The following CNTN5 variants were observed in gnomAD, a reference collection of about 807,000 sequenced individuals.
CNTN5 encodes the protein contactin-5.
Under a neutral mutation model 129.1 loss-of-function variants are expected in CNTN5, and 77 were observed. The observed-to-expected ratio is 0.60, with a 90% CI of 0.50 to 0.72. The LOEUF (loss-of-function observed/expected upper bound fraction) is 0.72, where lower values mean the gene tolerates loss of function less well. CNTN5 is among the 30% of genes least tolerant of loss of function. CNTN5 has a pLI of 0.00. For missense variants in CNTN5, 1,478 were observed against 1,328.8 expected (o/e 1.11, Z -1.75); for synonymous variants, 509 against 465.6 (o/e 1.09, Z -1.20).
chr11:99,995,190 G>C (rs893818883), intron 8 of CNTN5, among the ~76,000 whole-genome samples: 2 of 152,080 alleles, frequency 1.3e-5, no homozygotes, highest in Non-Finnish European at 2.9e-5. Flanking sequence ...TCAGTAAACT[G>C]ATTAGAAAAA....
chr11:99,021,824 G>T (rs553134796), intron 1 of CNTN5, among the ~76,000 whole-genome samples: 1 of 152,294 alleles, frequency 6.6e-6, no homozygotes, highest in South Asian at 2.1e-4. Context: ...TTTTTCTAAA[G>T]GTTGTATAGG....
intron 21 of CNTN5, among the ~76,000 whole-genome samples, chr11:100,315,524 T>C (rs1406539646): frequency 6.6e-6 from 1 of 152,148 alleles, no homozygotes; most frequent in Non-Finnish European, 1.5e-5. Context: ...AGCAATTTTA[T>C]CCCTTTCTGT....
chr11:100,203,187 T>C (rs2138558716), intron 15 of CNTN5, among the ~76,000 whole-genome samples: 1 of 152,188 alleles, frequency 6.6e-6, no homozygotes, highest in East Asian at 1.9e-4. Context: ...CATCTTAAAA[T>C]ATCCTACTAC....
At chr11:99,105,955 T>G (rs1866973864) in intron 1 of CNTN5, among the ~76,000 whole-genome samples, 1 of 152,166 alleles carries the variant, frequency 6.6e-6, no homozygotes, top group Admixed American at 6.5e-5. Flanking sequence ...ATTTTCATTT[T>G]CAGTTAGAAA....
chr11:99,497,163 A>G (rs1406249595), intron 2 of CNTN5, among the ~76,000 whole-genome samples: 1 of 152,212 alleles, frequency 6.6e-6, no homozygotes, highest in Non-Finnish European at 1.5e-5. Context: ...ATAATTAGAG[A>G]CCCAAAAGAG....
intron 9 of CNTN5, among the ~76,000 whole-genome samples, chr11:100,029,608 A>G (rs957268273): frequency 1.3e-5 from 2 of 152,068 alleles, no homozygotes; most frequent in Non-Finnish European, 2.9e-5. Flanking sequence ...ATGCTAATAG[A>G]ATGCAGATAT....
chr11:99,768,075 G>T (rs1211744922), intron 3 of CNTN5, among the ~76,000 whole-genome samples: 1 of 152,046 alleles, frequency 6.6e-6, no homozygotes, highest in African/African-American at 2.4e-5. Flanking sequence ...AGACTGAGTT[G>T]AGTAGTTGTG....
At chr11:99,078,424 T>A (rs1415398448) in intron 1 of CNTN5, among the ~76,000 whole-genome samples, 1 of 152,166 alleles carries the variant, frequency 6.6e-6, no homozygotes, top group African/African-American at 2.4e-5. Context: ...ATCCCTCTGC[T>A]AGGTATGTAC....
chr11:99,123,442 AC>A (rs1858459625), intron 1 of CNTN5, among the ~76,000 whole-genome samples: 1 of 151,674 alleles, frequency 6.6e-6, no homozygotes, highest in South Asian at 2.1e-4. Flanking sequence ...TGAATATTAG[AC>A]CTTTGTCAGA....
intron 2 of CNTN5, among the ~76,000 whole-genome samples, chr11:99,397,252 G>C (rs936708700): frequency 2.6e-5 from 4 of 151,760 alleles, no homozygotes; most frequent in African/African-American, 9.7e-5. Context: ...GAAGAACATA[G>C]AGGTAAAGTA....
intron 20 of CNTN5, among the ~76,000 whole-genome samples, chr11:100,303,464 G>A (rs17094825): frequency 0.01 from 1,535 of 151,306 alleles, 23 homozygotes; most frequent in African/African-American, 0.035. Context: ...CCATAACTTC[G>A]GAAATGAAAA....
chr11:100,326,118 T>C (rs2138973961), intron 21 of CNTN5, among the ~76,000 whole-genome samples: 1 of 152,320 alleles, frequency 6.6e-6, no homozygotes, highest in African/African-American at 2.4e-5. Context: ...GTAAACTTGA[T>C]AGTATTAACT....
intron 2 of CNTN5, among the ~76,000 whole-genome samples, chr11:99,425,393 T>C (rs1943074493): frequency 6.6e-6 from 1 of 152,180 alleles, no homozygotes; most frequent in African/African-American, 2.4e-5. Context: ...CAACATGCCA[T>C]CCATGGCGCC....
intron 8 of CNTN5, among the ~76,000 whole-genome samples, chr11:99,962,094 A>G (rs1448106088): frequency 1.3e-5 from 2 of 148,818 alleles, no homozygotes; most frequent in Non-Finnish European, 3.0e-5. Flanking sequence ...AGATAATATG[A>G]AAAAACTTGA....
At chr11:99,626,382 CTG>C (rs1477768004) in intron 3 of CNTN5, among the ~76,000 whole-genome samples, 1 of 152,042 alleles carries the variant, frequency 6.6e-6, no homozygotes, top group Non-Finnish European at 1.5e-5. Flanking sequence ...ACTTTAAAGA[CTG>C]TTTTAGTGGA....
At chr11:99,744,855 G>C (rs1275839008) in intron 3 of CNTN5, among the ~76,000 whole-genome samples, 1 of 149,522 alleles carries the variant, frequency 6.7e-6, no homozygotes. Context: ...TAGGGAAAGA[G>C]AAGAATAGTT....
intron 15 of CNTN5, among the ~76,000 whole-genome samples, chr11:100,207,574 C>A (rs1323103918): frequency 6.6e-6 from 1 of 151,992 alleles, no homozygotes; most frequent in Non-Finnish European, 1.5e-5. Context: ...CTACTGATAG[C>A]CCCATAAATA....
intron 1 of CNTN5, among the ~76,000 whole-genome samples, chr11:99,232,361 T>A (rs1861047391): frequency 6.6e-6 from 1 of 152,158 alleles, no homozygotes; most frequent in African/African-American, 2.4e-5. Context: ...GAAGAGGTCC[T>A]ATCACTTCCT....
At chr11:99,344,332 G>GA (rs1280342669) in intron 2 of CNTN5, among the ~76,000 whole-genome samples, 1 of 151,482 alleles carries the variant, frequency 6.6e-6, no homozygotes, top group Non-Finnish European at 1.5e-5. Flanking sequence ...AAAAGAATAG[G>GA]AAAAAAATTG....
Sources: allele counts gnomAD v4.1 joint callset (sites outside exome capture counted in the v4.1 genomes callset), GRCh38; gene constraint gnomAD v4.1.1; transcripts MANE v1.5; gene names NCBI Gene and HGNC (gene_info 2026-07-23, HGNC 2026-07-21).